Variants in CACNA1G observed in about 807,000 individuals in gnomAD.
CACNA1G encodes voltage-dependent T-type calcium channel subunit alpha-1G.
CACNA1G carries 67 observed loss-of-function variants against 219.4 expected under a neutral mutation model. The observed-to-expected ratio is 0.31, with a 90% confidence interval of 0.25 to 0.37. The LOEUF is 0.37. Ranked by LOEUF, CACNA1G falls within the 10% of genes least tolerant of loss-of-function variation. CACNA1G has a pLI of 1.00. For synonymous variants in CACNA1G, 1,296 were observed against 1,345.3 expected (o/e 0.96, Z 0.80); for missense variants, 2,380 against 3,231.4 (o/e 0.74, Z 6.39).
chr17:50,575,041 T>C (rs190468455), intron 7 of CACNA1G, among the ~76,000 whole-genome samples: 32 of 152,262 alleles, frequency 2.1e-4, no homozygotes, highest in Admixed American at 3.3e-4. Flanking sequence ...ACAGCTAGAA[T>C]TGGGGCTAGA....
intron 8 of CACNA1G, among the ~76,000 whole-genome samples, chr17:50,577,262 T>C (rs2040886385): frequency 6.6e-6 from 1 of 152,028 alleles, no homozygotes; most frequent in African/African-American, 2.4e-5. Context: ...GACTCCCTCC[T>C]GTGTGCAGAT....
intron 26 of CACNA1G, among the ~76,000 whole-genome samples, chr17:50,614,318 CT>C (rs2049951460): frequency 6.6e-6 from 1 of 152,218 alleles, no homozygotes; most frequent in Non-Finnish European, 1.5e-5. Context: ...TGGCTTCCCC[CT>C]AGACCTCCTG....
chr17:50,620,738 T>C (rs2051664053), intron 34 of CACNA1G, among the ~76,000 whole-genome samples: 1 of 152,204 alleles, frequency 6.6e-6, no homozygotes, highest in Admixed American at 6.5e-5. Context: ...TGGACAGTGA[T>C]CCTCATGTGG....
intron 9 of CACNA1G, among the ~76,000 whole-genome samples, chr17:50,586,490 C>T (rs1175717650): frequency 6.6e-6 from 1 of 152,238 alleles, no homozygotes; most frequent in African/African-American, 2.4e-5. Context: ...CCACTGACCT[C>T]AGCCGGGATT....
At position 50,600,453 on chromosome 17, in the gene CACNA1G, G is replaced by C. The variant is rs2046389959; in HGVS notation, c.3691-273G>C. 6.6e-6 allele frequency among the ~76,000 whole-genome samples: 1 copy of C among 152,028 alleles called. No homozygotes were observed. Among genetic ancestry groups the C allele is most frequent in the Non-Finnish European group, 1.5e-5 (1 of 67,984 alleles). ...GGCAGGGGGCTGGGCTGGAGGCAGGGGTGGGGAGAGGGGAGAGCGGGGTTG... is the reference window on the plus strand; with the variant it reads ...GGCAGGGGGCTGGGCTGGAGGCAGGCGTGGGGAGAGGGGAGAGCGGGGTTG... On this transcript the variant is annotated intron_variant, in intron 17 of 37. Coordinates refer to ENST00000359106, the MANE Select transcript of CACNA1G (RefSeq NM_018896.5). The surrounding 1 kb of genome is among the most constrained non-coding windows in gnomAD (Gnocchi z 4.1).
In CACNA1G at chr17:50,609,914, A is replaced by T. The variant is rs1013059294; in HGVS notation, c.4738A>T (p.Ser1580Cys). The change falls in exon 26 of 38, where the codon AGC becomes TGC. Residue 1580 changes from serine (S) to cysteine (C), a missense_variant. Ser to Cys is a moderately radical substitution (Grantham distance 112). Around this residue, in one of 17 missense-constraint regions of CACNA1G, gnomAD observed 58 missense variants for 71.3 expected, o/e 0.81. Coordinates refer to ENST00000359106, the MANE Select transcript of CACNA1G (RefSeq NM_018896.5). Reference protein sequence around the residue: ...LMLDDVIASGSSASAASEAQC... With the variant: ...LMLDDVIASGCSASAASEAQC... ...GCTGGACGATGTAATTGCTTCCGGC[A>T]GCTCAGCCAGCGCTGCGTCAGGTAC... 11 of 1,611,350 alleles carry T rather than the reference A, an allele frequency of 6.8e-6. No homozygotes were observed. Among genetic ancestry groups the T allele is most frequent in the African/African-American group, 1.3e-5 (1 of 75,066 alleles).
chr17:50,591,072 C>T lies in CACNA1G; in HGVS notation c.2454-363C>T, dbSNP rs137938749. 9.9e-5 allele frequency among the ~76,000 whole-genome samples: 15 copies of T among 152,162 alleles called. No individual in the cohort carries two copies. In the East Asian group the frequency reaches 2.3e-3, roughly 24 times the overall value. ...ACCTTGGGAAAGTGCTCCGTCCCCGCAAGGCCTGGGGCCAGGAGAACCACT... is the reference window on the plus strand; with the variant it reads ...ACCTTGGGAAAGTGCTCCGTCCCCGTAAGGCCTGGGGCCAGGAGAACCACT... On this transcript the variant is annotated intron_variant, in intron 10 of 37. Transcript: ENST00000359106.
At chr17:50,570,162 C>G (rs1482467095) in intron 4 of CACNA1G, among the ~76,000 whole-genome samples, 2 of 152,136 alleles carry the variant, frequency 1.3e-5, no homozygotes, top group Non-Finnish European at 2.9e-5. Context: ...CCTTTTCTAG[C>G]CAGAACAGCC....
intron 9 of CACNA1G, among the ~76,000 whole-genome samples, chr17:50,579,466 G>C (rs1426419678): frequency 6.6e-6 from 1 of 152,266 alleles, no homozygotes; most frequent in East Asian, 1.9e-4. Context: ...GGCACCATGG[G>C]TCCTCACAAC....
At chr17:50,576,375 G>A (rs2040652696) in intron 8 of CACNA1G, 49 bp downstream of exon 8, 3 of 1,530,684 alleles carry the variant, frequency 2.0e-6, no homozygotes, top group Non-Finnish European at 2.7e-6. Context: ...TGGGGACTGG[G>A]TGGCGTCCCA....
chr17:50,575,969 G>A lies in CACNA1G; in HGVS notation c.1567G>A (p.Asp523Asn). 1 of 1,552,274 alleles carries A rather than the reference G, an allele frequency of 6.4e-7. No individual in the cohort carries two copies. The highest frequency in any genetic ancestry group is 8.7e-7 in the Non-Finnish European group (1 of 1,148,202). ...RAPRASPEIQ[D>N]RDANGSRRLM... ...CCCCCGGGCCAGCCCGGAGATCCAGGACAGGGATGCCAATGGGTCCCGCCG... is the reference window on the plus strand; with the variant it reads ...CCCCCGGGCCAGCCCGGAGATCCAGAACAGGGATGCCAATGGGTCCCGCCG... The change falls in exon 8 of 38, where the codon GAC (aspartate) becomes AAC (asparagine). Residue 523 changes from aspartate to asparagine, a missense_variant. Physicochemically the swap from Asp to Asn is conservative, Grantham distance 23 (BLOSUM62 1). This residue lies in a region of CACNA1G where 434 missense variants were observed against 417.3 expected (regional missense o/e 1.04). Coordinates refer to ENST00000359106, the MANE Select transcript of CACNA1G (RefSeq NM_018896.5).
At chr17:50,611,141 C>T (rs1472041943) in intron 26 of CACNA1G, among the ~76,000 whole-genome samples, 1 of 151,868 alleles carries the variant, frequency 6.6e-6, no homozygotes, top group Non-Finnish European at 1.5e-5. Flanking sequence ...GTAATCCCAG[C>T]TACTCGGGAG....
chr17:50,599,347 G>C, intron 16 of CACNA1G, 81 bp from the exon 17 acceptor site: 1 of 1,270,072 alleles, frequency 7.9e-7, no homozygotes, highest in Non-Finnish European at 1.1e-6. Flanking sequence ...TGCCAGTGAG[G>C]CTCCCAGGAG....
chr17:50,594,864 GTC>G, intron 13 of CACNA1G, 127 bp from the exon 14 acceptor site: 1 of 640,790 alleles, frequency 1.6e-6, no homozygotes, highest in South Asian at 1.8e-5. Context: ...CATTCCCCGT[GTC>G]TCTCAGTTCC....
chr17:50,595,462 C>T (rs186016048), intron 14 of CACNA1G, among the ~76,000 whole-genome samples: 160 of 152,378 alleles, frequency 1.1e-3, no homozygotes, highest in African/African-American at 3.6e-3. Context: ...ACCATACTCC[C>T]CCATCTCCCA....
chr17:50,605,221 C>T (rs2047701831), intron 22 of CACNA1G, among the ~76,000 whole-genome samples: 1 of 152,168 alleles, frequency 6.6e-6, no homozygotes. Context: ...GCTCAGGCCC[C>T]CTGGTCCTGC....
Position 50,576,198 on chromosome 17 carries a change from C to A in CACNA1G, c.1796C>A (p.Pro599Gln). Residue 599 changes from proline (P) to glutamine (Q), a missense_variant, in exon 8 of 38, where the codon CCG (proline) becomes CAG (glutamine). By Grantham distance (76) the Pro-to-Gln change is moderately conservative. This residue lies in a region of CACNA1G where 434 missense variants were observed against 417.3 expected (regional missense o/e 1.04). Coordinates refer to ENST00000359106, the MANE Select transcript of CACNA1G (RefSeq NM_018896.5). ...CCCACCGTGCACACCAGCCCTCCAC[C>A]GGAGACGCTGAAGGAGAAGGCACTA... ...VYPTVHTSPP[P>Q]ETLKEKALVE... The A allele has an allele frequency of 1.9e-6, 3 of 1,609,536 alleles. No individual in the cohort carries two copies. The highest frequency in any genetic ancestry group is 2.5e-6 in the Non-Finnish European group (3 of 1,178,548).
At chr17:50,624,563 G>A in intron 37 of CACNA1G, 34 bp downstream of exon 37, 1 of 1,528,542 alleles carries the variant, frequency 6.5e-7, no homozygotes, top group South Asian at 1.2e-5. Context: ...CACAGGCCTG[G>A]GGGCTGGACC....
At position 50,596,426 on chromosome 17, in the gene CACNA1G, G is replaced by T; in HGVS notation, c.2980-136G>T. The T allele has an allele frequency of 2.8e-6, 2 of 719,718 alleles. No homozygotes were observed. The highest frequency in any genetic ancestry group is 4.9e-6 in the Non-Finnish European group (2 of 411,604). 44.6% of individuals were successfully genotyped at this position (719,718 alleles called of 1,614,324 possible). ...AAGCCTGGGGGGTCTGGCCTGCGCC[G>T]TGCATGTCTCGTGCCGTGGTTGCTG... On this transcript the variant is annotated intron_variant, in intron 14 of 37. Transcript: ENST00000359106. This position sits in a 1 kb window ranked among gnomAD's most constrained non-coding sequence, Gnocchi z 4.8.
Sources: gnomAD v4.1 joint callset for allele counts (sites outside exome capture counted in the v4.1 genomes callset) on GRCh38, gnomAD v4.1.1 for gene constraint, gnomAD v4.1.1 regional missense constraint, Gnocchi (gnomAD v3.1) non-coding constraint, MANE v1.5 for transcripts, NCBI Gene and HGNC (gene_info 2026-07-23, HGNC 2026-07-21) for gene names.